Variants in SGIP1 observed in about 807,000 individuals in gnomAD.
SGIP1 encodes the protein SH3-containing GRB2-like protein 3-interacting protein 1.
A neutral mutation model predicts 107.5 loss-of-function variants in SGIP1; 38 were observed. That is an observed-to-expected ratio of 0.35 (90% confidence interval 0.27 to 0.46). The LOEUF (loss-of-function observed/expected upper bound fraction) is 0.46. Among genes scored for constraint, SGIP1 ranks in the 20% least tolerant of loss-of-function variants. The probability of loss-of-function intolerance (pLI) is 1.00; values close to 1 mark genes in which losing one functional copy is unlikely to be tolerated. For missense variants in SGIP1, 929 were observed against 1,019.5 expected (o/e 0.91, Z 1.21); for synonymous variants, 365 against 366.1 (o/e 1.00, Z 0.03).
chr1:66,684,349 G>A (rs188167608), intron 15 of SGIP1, among the ~76,000 whole-genome samples: 197 of 152,232 alleles, frequency 1.3e-3, no homozygotes, highest in African/African-American at 4.3e-3. Context: ...AAATGTACTC[G>A]TCTGTGCTCC....
At chr1:66,559,796 C>A (rs2058673905) in intron 1 of SGIP1, among the ~76,000 whole-genome samples, 2 of 152,054 alleles carry the variant, frequency 1.3e-5, no homozygotes, top group Non-Finnish European at 2.9e-5. Context: ...CTGTTTCCAA[C>A]CCAGTTATTT....
intron 7 of SGIP1, 93 bp from the exon 8 acceptor site, chr1:66,660,420 G>A (rs2081235192): frequency 8.2e-7 from 1 of 1,222,478 alleles, no homozygotes; most frequent in Non-Finnish European, 1.2e-6. Context: ...CCTTAAGTAA[G>A]GTTATCCTGA....
At chr1:66,663,031 G>A (rs2081847499) in intron 8 of SGIP1, among the ~76,000 whole-genome samples, 1 of 151,886 alleles carries the variant, frequency 6.6e-6, no homozygotes, top group South Asian at 2.1e-4. Flanking sequence ...AGTTAAAAAC[G>A]ATTTTAGCCC....
intron 1 of SGIP1, among the ~76,000 whole-genome samples, chr1:66,550,316 C>A (rs1435030529): frequency 6.6e-6 from 1 of 152,080 alleles, no homozygotes; most frequent in East Asian, 1.9e-4. Context: ...AGAGGAAGAG[C>A]TCTTAATAGG....
chr1:66,535,132 T>C (rs2053294365), intron 1 of SGIP1, among the ~76,000 whole-genome samples: 1 of 152,202 alleles, frequency 6.6e-6, no homozygotes, highest in African/African-American at 2.4e-5. Flanking sequence ...AGAGATGCTA[T>C]TTAAACTATA....
At position 66,747,027 on chromosome 1, in the gene SGIP1, C is replaced by G. The variant is rs2094561625; in HGVS notation, c.*3932C>G. 1 of 152,056 alleles carries G rather than the reference C, an allele frequency of 6.6e-6. No homozygotes were observed. Among genetic ancestry groups the G allele is most frequent in the South Asian group, 2.1e-4 (1 of 4,826 alleles). The allele number at this position is 152,056 out of a possible 1,614,324, so 9.4% of individuals were successfully genotyped here. ...AACATTGTTAAACACCGTAACAACA[C>G]AAAATGATCTACCACATATCAATGT... is the stretch of plus-strand genomic sequence containing the variant. On this transcript the variant is annotated 3_prime_UTR_variant, in exon 25 of 25. Transcript: ENST00000371037.
At chr1:66,652,554 A>G (rs1424176878) in intron 7 of SGIP1, among the ~76,000 whole-genome samples, 1 of 152,192 alleles carries the variant, frequency 6.6e-6, no homozygotes, top group African/African-American at 2.4e-5. Flanking sequence ...TTAACCAAAA[A>G]AATATGAGGA....
intron 4 of SGIP1, 80 bp from the exon 5 acceptor site, chr1:66,639,697 A>C: frequency 1.7e-6 from 2 of 1,150,248 alleles, no homozygotes; most frequent in Non-Finnish European, 2.6e-6. Context: ...TGCTAAATGC[A>C]GATAAGAGTT....
At chr1:66,666,995 T>C (rs553694335) in intron 8 of SGIP1, 1 of 152,668 alleles carries the variant, frequency 6.6e-6, no homozygotes, top group Admixed American at 6.5e-5. Context: ...AAAAAATCCT[T>C]ATAAGCACAC....
chr1:66,713,861 G>T (rs1471908598), intron 18 of SGIP1, among the ~76,000 whole-genome samples: 2 of 152,026 alleles, frequency 1.3e-5, no homozygotes, highest in Non-Finnish European at 2.9e-5. Flanking sequence ...CAATATAATA[G>T]CCACCTATGT....
At chr1:66,556,310 C>T (rs1476847831) in intron 1 of SGIP1, among the ~76,000 whole-genome samples, 1 of 152,060 alleles carries the variant, frequency 6.6e-6, no homozygotes, top group Non-Finnish European at 1.5e-5. Context: ...TTTGAATTCG[C>T]GGGCCCTCTG....
chr1:66,615,918 A>G (rs1247925732), intron 1 of SGIP1: 5 of 152,052 alleles, frequency 3.3e-5, no homozygotes, highest in African/African-American at 1.2e-4. Flanking sequence ...TTCATGCAAA[A>G]CTTGTGTGTC....
At position 66,607,812 on chromosome 1, in the gene SGIP1, A is replaced by G. The variant is rs552841941; in HGVS notation, c.11-18035A>G. Among the ~76,000 whole-genome samples, 411 of 152,256 alleles carry G rather than the reference A, an allele frequency of 2.7e-3. 1 individual carries two copies. Among genetic ancestry groups the G allele is most frequent in the Non-Finnish European group, 4.8e-3 (328 of 68,004 alleles). On this transcript the variant is annotated intron_variant, in intron 1 of 24. Transcript: ENST00000371037. ...TTTGCCATCACTGACAGTTCTTTCT[A>G]TTGCTTTTTATTTTCTCTCTTCATT...
chr1:66,682,365 C>A lies in SGIP1; in HGVS notation c.1311C>A (p.Thr437=), dbSNP rs748329871. ...GCTCGGGCCCTGGTCCGGGGACCAC[C>A]AGTGGTATGTCTTATGCTTGAGTGT... The part of the protein sequence containing the change: ...GPGSGPGPGT[T]SGASSPARPA... The change falls in exon 15 of 25, where the codon ACC becomes ACA. Residue 437 remains threonine, a synonymous_variant. Transcript: ENST00000371037. 5.6e-6 allele frequency: 9 copies of A among 1,609,732 alleles called. No individual in the cohort carries two copies. Among genetic ancestry groups the A allele is most frequent in the Non-Finnish European group, 7.6e-6 (9 of 1,178,702 alleles).
chr1:66,644,856 G>A (rs2077393710), intron 7 of SGIP1, among the ~76,000 whole-genome samples: 1 of 152,058 alleles, frequency 6.6e-6, no homozygotes, highest in Non-Finnish European at 1.5e-5. Flanking sequence ...ATACTCCCCT[G>A]CTACTTTAAG....
rs182402391 is a variant in SGIP1, at chr1:66,607,634, G to A, written c.11-18213G>A. 2.5e-3 allele frequency among the ~76,000 whole-genome samples: 374 copies of A among 152,244 alleles called. 8 individuals carry two copies. Among genetic ancestry groups the A allele is most frequent in the Admixed American group, 0.022 (341 of 15,300 alleles). On this transcript the variant is annotated intron_variant, in intron 1 of 24. Transcript: ENST00000371037. The stretch of plus-strand genomic sequence containing the variant: ...TATATTCTGTGACAGGGGATTCTCC[G>A]AAAGGTCTAGAGTAATGCCCCACCC...
intron 21 of SGIP1, among the ~76,000 whole-genome samples, chr1:66,736,011 CTG>C (rs1557804784): frequency 6.6e-6 from 1 of 150,656 alleles, no homozygotes; most frequent in Non-Finnish European, 1.5e-5. Flanking sequence ...TCAAACTTGA[CTG>C]TATTTCTCAA....
chr1:66,626,021 C>G, intron 2 of SGIP1, 111 bp downstream of exon 2: 1 of 678,110 alleles, frequency 1.5e-6, no homozygotes, highest in Non-Finnish European at 2.4e-6. Flanking sequence ...GTACTATTTG[C>G]TTTCCTCATT....
chr1:66,742,239 G>A (rs2094469685), intron 24 of SGIP1, among the ~76,000 whole-genome samples: 1 of 151,992 alleles, frequency 6.6e-6, no homozygotes, highest in African/African-American at 2.4e-5. Context: ...GCTGAATGTG[G>A]CCATGAGACA....
Sources: allele counts gnomAD v4.1 joint callset (sites outside exome capture counted in the v4.1 genomes callset), GRCh38; gene constraint gnomAD v4.1.1; transcripts MANE v1.5; gene names NCBI Gene and HGNC (gene_info 2026-07-23, HGNC 2026-07-21).